Variants in PTPRA observed in about 807,000 individuals in gnomAD.
PTPRA encodes the protein protein tyrosine phosphatase receptor type A.
PTPRA carries 25 observed loss-of-function variants against 104.8 expected under a neutral mutation model. The ratio of observed to expected loss-of-function variants is 0.24; its 90% CI spans 0.17 to 0.33. The LOEUF (loss-of-function observed/expected upper bound fraction) is 0.33. Ranked by LOEUF, PTPRA falls within the 10% of genes least tolerant of loss-of-function variation. The pLI, the probability that PTPRA is intolerant of heterozygous loss-of-function variation, is 1.00. For missense variants in PTPRA, 765 were observed against 1,015.3 expected (o/e 0.75, Z 3.35); for synonymous variants, 323 against 368.9 (o/e 0.88, Z 1.43).
chr20:2,899,613 A>T (rs912431643), intron 1 of PTPRA, among the ~76,000 whole-genome samples: 1 of 152,174 alleles, frequency 6.6e-6, no homozygotes, highest in African/African-American at 2.4e-5. Context: ...TTTGGTCGTT[A>T]ATTTGGCCCA....
chr20:2,959,661 G>A (rs2061676409), intron 3 of PTPRA, among the ~76,000 whole-genome samples: 1 of 152,014 alleles, frequency 6.6e-6, no homozygotes, highest in East Asian at 1.9e-4. Flanking sequence ...CAAAAAGTAT[G>A]GAGAGTTCCG....
chr20:2,966,960 A>G (rs1388337162), intron 5 of PTPRA, among the ~76,000 whole-genome samples: 1 of 152,238 alleles, frequency 6.6e-6, no homozygotes, highest in Non-Finnish European at 1.5e-5. Context: ...GTATGAGTGA[A>G]TGGAAAAGGT....
At chr20:2,892,513 C>G (rs146482135) in intron 1 of PTPRA, among the ~76,000 whole-genome samples, 1 of 152,080 alleles carries the variant, frequency 6.6e-6, no homozygotes. Flanking sequence ...GACAATTTCT[C>G]ATGGTGCTGG....
chr20:2,936,829 A>G (rs920748981), intron 2 of PTPRA, among the ~76,000 whole-genome samples: 1 of 152,120 alleles, frequency 6.6e-6, no homozygotes, highest in Non-Finnish European at 1.5e-5. Context: ...GTTGGTATGT[A>G]TAAACCATTT....
chr20:2,937,830 A>G (rs1309716326), intron 2 of PTPRA, among the ~76,000 whole-genome samples: 1 of 152,164 alleles, frequency 6.6e-6, no homozygotes, highest in Non-Finnish European at 1.5e-5. Flanking sequence ...TTCACTGTCT[A>G]TAGAATTTTA....
the PTPRA span, chr20:2,866,811 A>C: frequency 3.6e-6 from 2 of 563,114 alleles, no homozygotes; most frequent in Non-Finnish European, 6.0e-6. Context: ...GCAAAACTCC[A>C]TGTGTTCCGT....
intron 2 of PTPRA, among the ~76,000 whole-genome samples, chr20:2,934,459 T>C (rs1295304544): frequency 6.6e-6 from 1 of 152,172 alleles, no homozygotes; most frequent in African/African-American, 2.4e-5. Context: ...AATCTGTATC[T>C]GTACCATTGC....
chr20:2,999,353 G>T (rs1001153698), intron 9 of PTPRA, among the ~76,000 whole-genome samples: 4 of 152,100 alleles, frequency 2.6e-5, no homozygotes, highest in Admixed American at 6.5e-5. Context: ...AACTTGACAA[G>T]CTGATTCTAA....
intron 1 of PTPRA, among the ~76,000 whole-genome samples, chr20:2,874,756 A>G (rs973722107): frequency 4.6e-5 from 7 of 152,168 alleles, no homozygotes; most frequent in African/African-American, 1.7e-4. Context: ...TCTTTTTCCC[A>G]TGGGATGAAT....
intron 1 of PTPRA, among the ~76,000 whole-genome samples, chr20:2,878,325 A>T (rs1370120087): frequency 6.6e-6 from 1 of 152,086 alleles, no homozygotes; most frequent in Non-Finnish European, 1.5e-5. Context: ...TGATCTTCCC[A>T]TCTCAGCCAC....
At chr20:3,026,240 G>A (rs1233807812) in intron 17 of PTPRA, among the ~76,000 whole-genome samples, 1 of 152,166 alleles carries the variant, frequency 6.6e-6, no homozygotes, top group Non-Finnish European at 1.5e-5. Flanking sequence ...CCCGGCTTGA[G>A]ATTCTGCATT....
intron 1 of PTPRA, among the ~76,000 whole-genome samples, chr20:2,891,630 A>G (rs1476345661): frequency 2.6e-5 from 4 of 152,168 alleles, no homozygotes; most frequent in Non-Finnish European, 5.9e-5. Flanking sequence ...CACTTATATG[A>G]TAATTCACAC....
intron 1 of PTPRA, among the ~76,000 whole-genome samples, chr20:2,892,484 G>A (rs911024792): frequency 1.3e-5 from 2 of 152,042 alleles, no homozygotes; most frequent in Admixed American, 1.3e-4. Context: ...TCTTTTCCCA[G>A]GCTAGTGATA....
intron 13 of PTPRA, among the ~76,000 whole-genome samples, chr20:3,018,683 T>C (rs1489853124): frequency 2.0e-5 from 3 of 151,436 alleles, no homozygotes; most frequent in Non-Finnish European, 4.4e-5. Context: ...CTTTCCCCCC[T>C]TTCTATTCCA....
At chr20:2,941,024 G>GA (rs2060895243) in intron 2 of PTPRA, among the ~76,000 whole-genome samples, 1 of 151,222 alleles carries the variant, frequency 6.6e-6, no homozygotes, top group African/African-American at 2.4e-5. Flanking sequence ...TTTTTTTTGG[G>GA]GGTTTTTTTT....
intron 13 of PTPRA, 82 bp from the exon 14 acceptor site, chr20:3,021,227 G>C (rs1360738549): frequency 1.3e-6 from 2 of 1,584,228 alleles, no homozygotes; most frequent in East Asian, 4.5e-5. Flanking sequence ...TCTGGGCTTT[G>C]TGGGCTCTTC....
intron 2 of PTPRA, among the ~76,000 whole-genome samples, chr20:2,929,570 A>G (rs1600128287): frequency 6.6e-6 from 1 of 152,060 alleles, no homozygotes; most frequent in African/African-American, 2.4e-5. Flanking sequence ...CATGTTTGTA[A>G]TCTTAGTACT....
rs773389377 is a variant in PTPRA, at chr20:3,022,746, G to A, written c.1386G>A (p.Met462Ile). 6.2e-7 allele frequency: 1 copy of A among 1,614,202 alleles called. No homozygotes were observed. Among genetic ancestry groups the A allele is most frequent in the South Asian group, 1.1e-5 (1 of 91,086 alleles). Residue 462 changes from methionine to isoleucine, a missense_variant, in exon 16 of 24, where the codon ATG (methionine) becomes ATA (isoleucine). By Grantham distance (10) the Met-to-Ile change is conservative. This residue lies in a region of PTPRA where 245 missense variants were observed against 398.7 expected (regional missense o/e 0.61). Transcript: ENST00000399903. The surrounding 1 kb of genome is among the most constrained non-coding windows in gnomAD (Gnocchi z 4.6). ...TCATTGATGCCATGCTGGACATGAT[G>A]CATACAGAACGGAAGGTGGACGTGT... ...FVVIDAMLDM[M>I]HTERKVDVYG...
At chr20:2,866,274 C>T in the PTPRA span, 7 of 1,613,970 alleles carry the variant, frequency 4.3e-6, no homozygotes, top group East Asian at 2.2e-5. Context: ...ATGCTTCCCG[C>T]GTGGGTCCCG....
Sources: allele counts gnomAD v4.1 joint callset (sites outside exome capture counted in the v4.1 genomes callset), GRCh38; gene constraint gnomAD v4.1.1; regional missense constraint gnomAD v4.1.1; non-coding constraint Gnocchi (gnomAD v3.1); transcripts MANE v1.5; gene names NCBI Gene and HGNC (gene_info 2026-07-23, HGNC 2026-07-21).